Variants in AGBL4 observed in about 807,000 individuals in gnomAD.
AGBL4 encodes AGBL carboxypeptidase 4.
In AGBL4, 58 loss-of-function variants were observed where a neutral mutation model predicts 66.4. The observed-to-expected ratio is 0.87, with a 90% CI of 0.71 to 1.09. The LOEUF (loss-of-function observed/expected upper bound fraction) is 1.09. Among genes scored for constraint, AGBL4 ranks in the 50% least tolerant of loss-of-function variants. The pLI is 0.00. For missense variants in AGBL4, 579 were observed against 631.0 expected (o/e 0.92, Z 0.88); for synonymous variants, 234 against 222.9 (o/e 1.05, Z -0.44).
intron 3 of AGBL4, among the ~76,000 whole-genome samples, chr1:49,378,564 GA>G (rs933437515): frequency 2.7e-5 from 4 of 149,956 alleles, no homozygotes; most frequent in Non-Finnish European, 4.5e-5. Context: ...CATTTGGCAA[GA>G]AAAAAAAAGA....
At chr1:49,715,945 C>A (rs1253342803) in intron 2 of AGBL4, among the ~76,000 whole-genome samples, 1 of 152,066 alleles carries the variant, frequency 6.6e-6, no homozygotes, top group Non-Finnish European at 1.5e-5. Context: ...TGCAGAAGCT[C>A]TTTAGTTTAA....
intron 2 of AGBL4, among the ~76,000 whole-genome samples, chr1:49,769,721 T>C (rs1323963796): frequency 6.6e-6 from 1 of 152,200 alleles, no homozygotes; most frequent in African/African-American, 2.4e-5. Flanking sequence ...CAGGACTCCC[T>C]ATTCAATAAA....
chr1:50,015,336 G>A (rs1264501107), intron 1 of AGBL4, among the ~76,000 whole-genome samples: 2 of 152,186 alleles, frequency 1.3e-5, no homozygotes, highest in Non-Finnish European at 2.9e-5. Flanking sequence ...TAGGATAGGA[G>A]CTCCTTGAAG....
At chr1:49,950,157 T>C (rs1181067176) in intron 1 of AGBL4, among the ~76,000 whole-genome samples, 5 of 144,948 alleles carry the variant, frequency 3.4e-5, no homozygotes, top group Non-Finnish European at 7.6e-5. Context: ...TGTATATATA[T>C]ACACACATAT....
At chr1:49,802,827 T>C (rs1057122394) in intron 2 of AGBL4, among the ~76,000 whole-genome samples, 11 of 152,154 alleles carry the variant, frequency 7.2e-5, no homozygotes, top group Non-Finnish European at 1.5e-4. Context: ...GAGAGCCCCA[T>C]TGCATTGTGG....
chr1:49,685,382 T>C (rs1646768451), intron 3 of AGBL4, among the ~76,000 whole-genome samples: 1 of 152,202 alleles, frequency 6.6e-6, no homozygotes, highest in Non-Finnish European at 1.5e-5. Flanking sequence ...TGTGTCTTTA[T>C]GGTAGAAGGA....
At chr1:49,866,798 C>CT (rs545014006) in intron 1 of AGBL4, among the ~76,000 whole-genome samples, 8,242 of 145,786 alleles carry the variant, frequency 0.057, 250 homozygotes, top group African/African-American at 0.074. Context: ...CCAAGAATTT[C>CT]TTTTTTTTTT....
At chr1:49,806,756 G>A (rs1298593235) in intron 2 of AGBL4, among the ~76,000 whole-genome samples, 1 of 152,204 alleles carries the variant, frequency 6.6e-6, no homozygotes, top group East Asian at 1.9e-4. Context: ...AGGACCTGGG[G>A]GACAGAATAA....
At chr1:49,274,939 C>A (rs1006888763) in intron 3 of AGBL4, among the ~76,000 whole-genome samples, 4 of 152,102 alleles carry the variant, frequency 2.6e-5, no homozygotes, top group Non-Finnish European at 5.9e-5. Flanking sequence ...GAGCTTGTAA[C>A]AATTGGGTAA....
intron 3 of AGBL4, among the ~76,000 whole-genome samples, chr1:49,556,770 T>C (rs1268455464): frequency 6.6e-6 from 1 of 151,822 alleles, no homozygotes; most frequent in Admixed American, 6.6e-5. Context: ...GCGAGGTCCG[T>C]CGGGAAGGCT....
At chr1:48,768,712 T>G (rs1030966246) in intron 6 of AGBL4, among the ~76,000 whole-genome samples, 1 of 152,218 alleles carries the variant, frequency 6.6e-6, no homozygotes, top group African/African-American at 2.4e-5. Context: ...TGGTATGAGT[T>G]TGTTAGCCAG....
intron 4 of AGBL4, among the ~76,000 whole-genome samples, chr1:49,075,675 C>G (rs1027288420): frequency 4.6e-5 from 7 of 152,138 alleles, no homozygotes; most frequent in Non-Finnish European, 1.0e-4. Flanking sequence ...CTCAGATTAT[C>G]CAGATTGGTC....
rs576754624 is a variant in AGBL4 at position 49,068,604 on chromosome 1, C to T, written c.378-22804G>A. 2.6e-4 allele frequency among the ~76,000 whole-genome samples: 40 copies of T among 152,266 alleles called. 1 individual carries two copies. In the South Asian group the frequency reaches 4.6e-3, roughly 17 times the overall value. ...CATAGTATTCCATGGTGTATATGTG[C>T]CACATTTTCTTTATCCAGTCTATCA... On this transcript the variant is annotated intron_variant, in intron 4 of 13. Transcript: ENST00000371839.
intron 3 of AGBL4, among the ~76,000 whole-genome samples, chr1:49,372,250 T>C (rs550233770): frequency 3.3e-4 from 51 of 152,264 alleles, no homozygotes; most frequent in Admixed American, 7.2e-4. Context: ...GGTTAAAACA[T>C]AGTTGAGCAT....
intron 1 of AGBL4, among the ~76,000 whole-genome samples, chr1:49,971,349 A>G (rs1658067501): frequency 6.6e-6 from 1 of 152,184 alleles, no homozygotes; most frequent in Non-Finnish European, 1.5e-5. Flanking sequence ...TATCAGATCA[A>G]TTGTTGCAGT....
intron 3 of AGBL4, among the ~76,000 whole-genome samples, chr1:49,547,119 T>A (rs1040890904): frequency 6.6e-6 from 1 of 152,202 alleles, no homozygotes; most frequent in Non-Finnish European, 1.5e-5. Context: ...TTATCCTCTA[T>A]AATTTTCATA....
chr1:49,622,047 C>T (rs1403083595), intron 3 of AGBL4, among the ~76,000 whole-genome samples: 6 of 152,156 alleles, frequency 3.9e-5, no homozygotes, highest in Non-Finnish European at 7.3e-5. Flanking sequence ...TCCCATTGAA[C>T]CTCTAGGATG....
At chr1:48,586,910 TA>T in intron 11 of AGBL4, 93 bp downstream of exon 11, 1 of 1,514,496 alleles carries the variant, frequency 6.6e-7, no homozygotes, top group Non-Finnish European at 9.1e-7. Flanking sequence ...TCTCAGCCCT[TA>T]CCTGAGCTGG....
chr1:49,280,880 T>A (rs972555403), intron 3 of AGBL4, among the ~76,000 whole-genome samples: 5 of 152,108 alleles, frequency 3.3e-5, no homozygotes, highest in African/African-American at 1.2e-4. Context: ...AGTAAATAAA[T>A]AGACCTATAA....
Sources: allele counts gnomAD v4.1 joint callset (sites outside exome capture counted in the v4.1 genomes callset), GRCh38; gene constraint gnomAD v4.1.1; transcripts MANE v1.5; gene names NCBI Gene and HGNC (gene_info 2026-07-23, HGNC 2026-07-21).